COL23A1: variants seen among roughly 807,000 people sequenced by gnomAD.
COL23A1 encodes the protein collagen alpha-1(XXIII) chain.
In COL23A1, 97 loss-of-function variants were observed where a neutral mutation model predicts 99.3. That is an observed-to-expected ratio of 0.98 (90% CI 0.83 to 1.16). The LOEUF (loss-of-function observed/expected upper bound fraction) is 1.16. Among genes scored for constraint, COL23A1 ranks in the 50% most tolerant of loss-of-function variants. COL23A1 has a pLI of 0.00. For synonymous variants in COL23A1, 320 were observed against 308.2 expected (o/e 1.04, Z -0.40); for missense variants, 762 against 757.4 (o/e 1.01, Z -0.07).
chr5:178,248,134 C>T, intron 20 of COL23A1, 58 bp downstream of exon 20: 7 of 1,278,132 alleles, frequency 5.5e-6, no homozygotes, highest in Non-Finnish European at 1.1e-6. Flanking sequence ...GGCTCAGGGT[C>T]CCCACCCAGC....
chr5:178,421,825 C>T (rs1467829278), intron 2 of COL23A1, among the ~76,000 whole-genome samples: 1 of 152,182 alleles, frequency 6.6e-6, no homozygotes, highest in Non-Finnish European at 1.5e-5. Flanking sequence ...GCTGAGATGG[C>T]GTCATTGCAC....
At chr5:178,291,844 C>T (rs1757476192) in intron 3 of COL23A1, among the ~76,000 whole-genome samples, 1 of 151,932 alleles carries the variant, frequency 6.6e-6, no homozygotes, top group Non-Finnish European at 1.5e-5. Context: ...GGATTTTTGG[C>T]TTGAAACACT....
chr5:178,537,026 C>A (rs1463415615), intron 2 of COL23A1, among the ~76,000 whole-genome samples: 1 of 152,268 alleles, frequency 6.6e-6, no homozygotes, highest in African/African-American at 2.4e-5. Context: ...TTCCGGTCCA[C>A]TCCTGCTTAC....
At chr5:178,319,805 C>T (rs542331050) in intron 2 of COL23A1, among the ~76,000 whole-genome samples, 1 of 152,322 alleles carries the variant, frequency 6.6e-6, no homozygotes, top group South Asian at 2.1e-4. Flanking sequence ...TCCCTGGGCT[C>T]TCAGTGCTGA....
At chr5:178,379,738 G>A (rs1373563344) in intron 2 of COL23A1, among the ~76,000 whole-genome samples, 5 of 152,020 alleles carry the variant, frequency 3.3e-5, no homozygotes, top group Non-Finnish European at 7.4e-5. Flanking sequence ...AAAATGAGCT[G>A]GGCCTAGTGG....
At chr5:178,385,211 A>C (rs949370012) in intron 2 of COL23A1, among the ~76,000 whole-genome samples, 2 of 151,198 alleles carry the variant, frequency 1.3e-5, no homozygotes, top group Non-Finnish European at 3.0e-5. Context: ...AGCCTCTCAG[A>C]CTCTTCTCCT....
intron 1 of COL23A1, among the ~76,000 whole-genome samples, chr5:178,586,595 C>T (rs1764017889): frequency 7.3e-6 from 1 of 137,636 alleles, no homozygotes; most frequent in Non-Finnish European, 1.5e-5. Flanking sequence ...TAAAGCTCTC[C>T]CAAACTGTTG....
intron 2 of COL23A1, among the ~76,000 whole-genome samples, chr5:178,518,235 T>A (rs1290015655): frequency 3.5e-5 from 5 of 144,702 alleles, no homozygotes; most frequent in Non-Finnish European, 7.5e-5. Flanking sequence ...ATCAACAGGA[T>A]CCCAAGGCAG....
At position 178,387,432 on chromosome 5, in the gene COL23A1, G is replaced by A. The variant is rs897294139; in HGVS notation, c.362-80513C>T. On this transcript the variant is annotated intron_variant, in intron 2 of 28. Transcript: ENST00000390654. The surrounding 1 kb of genome is among the most constrained non-coding windows in gnomAD (Gnocchi z 4.7). ...GTCCCTCCACAGGAGCGCTCCTCCC[G>A]AAACCCACCCACCGGACATGTTCCT... is the stretch of plus-strand genomic sequence containing the variant. Among the ~76,000 whole-genome samples, 8 of 152,028 alleles carry A rather than the reference G, an allele frequency of 5.3e-5. No homozygotes were observed. The highest frequency in any genetic ancestry group is 1.9e-4 in the African/African-American group (8 of 41,388).
chr5:178,414,418 A>G (rs1765199778), intron 2 of COL23A1, among the ~76,000 whole-genome samples: 1 of 152,050 alleles, frequency 6.6e-6, no homozygotes, highest in Non-Finnish European at 1.5e-5. Context: ...TTTAAAAAAA[A>G]AAAAAGGACT....
intron 2 of COL23A1, among the ~76,000 whole-genome samples, chr5:178,401,278 C>T (rs373580514): frequency 6.6e-6 from 1 of 152,332 alleles, no homozygotes; most frequent in South Asian, 2.1e-4. Flanking sequence ...TCATTTGTAT[C>T]CTCTGGCTAT....
At chr5:178,353,528 C>A (rs1761448694) in intron 2 of COL23A1, among the ~76,000 whole-genome samples, 1 of 152,166 alleles carries the variant, frequency 6.6e-6, no homozygotes, top group African/African-American at 2.4e-5. Context: ...TAGGACTGGG[C>A]CATTTGCCGA....
chr5:178,259,679 T>A, intron 12 of COL23A1, 42 bp downstream of exon 12: 1 of 1,589,148 alleles, frequency 6.3e-7, no homozygotes, highest in Non-Finnish European at 8.6e-7. Context: ...TCCAGCCACT[T>A]CCCAACACTG....
intron 8 of COL23A1, among the ~76,000 whole-genome samples, chr5:178,264,120 C>T (rs1191847535): frequency 5.9e-5 from 9 of 151,996 alleles, no homozygotes; most frequent in Admixed American, 5.2e-4. Context: ...TTACACAAAT[C>T]GACGGGTGTG....
At chr5:178,563,109 C>G in intron 1 of COL23A1, among the ~76,000 whole-genome samples, 1 of 152,222 alleles carries the variant, frequency 6.6e-6, no homozygotes, top group South Asian at 2.1e-4. Context: ...TAGGCGCACT[C>G]ACTCCTCCAT....
chr5:178,580,670 C>A (rs995672723), intron 1 of COL23A1, among the ~76,000 whole-genome samples: 1 of 152,164 alleles, frequency 6.6e-6, no homozygotes, highest in East Asian at 1.9e-4. Context: ...GTTCACATAA[C>A]GACAAATCAC....
At chr5:178,407,184 G>T (rs57424161) in intron 2 of COL23A1, among the ~76,000 whole-genome samples, 24,247 of 152,252 alleles carry the variant, frequency 0.16, 2,132 homozygotes, top group Middle Eastern at 0.21. Context: ...GGTGGCATCA[G>T]TGGAGGCCTA....
At chr5:178,482,985 T>C (rs1179865832) in intron 2 of COL23A1, among the ~76,000 whole-genome samples, 2 of 152,124 alleles carry the variant, frequency 1.3e-5, no homozygotes, top group South Asian at 2.1e-4. Context: ...GGCAGGAGGA[T>C]TGCTTGAGCC....
chr5:178,455,298 C>A (rs573924246), intron 2 of COL23A1, among the ~76,000 whole-genome samples: 2 of 152,256 alleles, frequency 1.3e-5, no homozygotes, highest in Non-Finnish European at 2.9e-5. Flanking sequence ...CTTTCCAACC[C>A]GTTTGGGAGG....
Sources: gnomAD v4.1 joint callset for allele counts (sites outside exome capture counted in the v4.1 genomes callset) on GRCh38, gnomAD v4.1.1 for gene constraint, Gnocchi (gnomAD v3.1) non-coding constraint, MANE v1.5 for transcripts, NCBI Gene and HGNC (gene_info 2026-07-23, HGNC 2026-07-21) for gene names.